DMGDH: variants seen among roughly 807,000 people sequenced by gnomAD.
DMGDH encodes dimethylglycine dehydrogenase, mitochondrial.
DMGDH carries 76 observed loss-of-function variants against 95.2 expected under a neutral mutation model. That is an observed-to-expected ratio of 0.80 (90% confidence interval 0.66 to 0.97). The LOEUF (loss-of-function observed/expected upper bound fraction) is 0.97, where lower values mean the gene tolerates loss of function less well. Ranked by LOEUF, DMGDH falls within the 50% of genes least tolerant of loss-of-function variation. The pLI, the probability that DMGDH is intolerant of heterozygous loss-of-function variation, is 0.00. For missense variants in DMGDH, 987 were observed against 1,055.0 expected (o/e 0.94, Z 0.89); for synonymous variants, 345 against 377.6 (o/e 0.91, Z 1.00).
intron 1 of DMGDH, among the ~76,000 whole-genome samples, chr5:79,066,417 C>A (rs1287408152): frequency 6.6e-6 from 1 of 151,888 alleles, no homozygotes; most frequent in African/African-American, 2.4e-5. Flanking sequence ...TCCCAAGTAG[C>A]TGGGACTGCA....
intron 5 of DMGDH, among the ~76,000 whole-genome samples, chr5:79,050,270 AAAAATATATATAT>A (rs1346652712): frequency 9.8e-5 from 3 of 30,510 alleles, no homozygotes; most frequent in African/African-American, 3.3e-4. Context: ...AAAAAAAAAA[AAAAATATATATAT>A]ATATATATAT....
At chr5:79,000,870 T>A in intron 15 of DMGDH, 1 of 648,702 alleles carries the variant, frequency 1.5e-6, no homozygotes, top group Non-Finnish European at 2.8e-6. Context: ...ATTCAATAAA[T>A]GGACAAGTTC....
chr5:79,021,278 A>G (rs1753860661), intron 14 of DMGDH: 2 of 1,065,668 alleles, frequency 1.9e-6, no homozygotes, highest in Non-Finnish European at 2.3e-6. Flanking sequence ...ACGTATCCCT[A>G]CAGCTTTAGT....
intron 7 of DMGDH, among the ~76,000 whole-genome samples, chr5:79,034,714 A>G (rs1754287886): frequency 6.6e-6 from 1 of 152,224 alleles, no homozygotes; most frequent in Non-Finnish European, 1.5e-5. Context: ...CTTTTCCCAC[A>G]ACAAGACACC....
rs543805307 is a variant in DMGDH at position 79,005,320 on chromosome 5, C to T, written c.2338G>A (p.Asp780Asn). Residue 780 changes from aspartate (D) to asparagine (N), a missense_variant, in exon 15 of 16, where the codon GAT becomes AAT. Asp to Asn is a conservative substitution (Grantham distance 23). Coordinates refer to ENST00000255189, the MANE Select transcript of DMGDH (RefSeq NM_013391.3). ...TCATTTCCCTCTGGATCAACATCATCCGTTGCCAAGGTGAGGCAGACCAGT... is the reference window on the plus strand; with the variant it reads ...TCATTTCCCTCTGGATCAACATCATTCGTTGCCAAGGTGAGGCAGACCAGT... ...RRLVCLTLAT[D>N]DVDPEGNESI... is the part of the protein sequence containing the mutation. 1.2e-6 allele frequency: 2 copies of T among 1,613,718 alleles called. No individual in the cohort carries two copies. Among genetic ancestry groups the T allele is most frequent in the East Asian group, 4.5e-5 (2 of 44,878 alleles).
Position 79,042,353 on chromosome 5 carries a change from A to G in DMGDH, c.1123T>C (p.Ser375Pro), listed in dbSNP as rs1451694899. Residue 375 changes from serine to proline, a missense_variant, in exon 7 of 16, where the codon TCT becomes CCT. By Grantham distance (74) the Ser-to-Pro change is moderately conservative. Coordinates refer to ENST00000255189, the MANE Select transcript of DMGDH (RefSeq NM_013391.3). ...CCCACCATAGGCAGAATGTCAGGAG[A>G]ATACGTGATAGGACCATTGACAACA... is the stretch of plus-strand genomic sequence containing the variant. ...INVVNGPITY[S>P]PDILPMVGPH... 2 of 1,614,208 alleles carry G rather than the reference A, an allele frequency of 1.2e-6. No homozygotes were observed. Among genetic ancestry groups the G allele is most frequent in the Non-Finnish European group, 1.7e-6 (2 of 1,180,026 alleles).
At chr5:79,012,452 C>A (rs912484010) in intron 14 of DMGDH, among the ~76,000 whole-genome samples, 3 of 152,182 alleles carry the variant, frequency 2.0e-5, no homozygotes, top group Non-Finnish European at 4.4e-5. Flanking sequence ...GTGGGTCTAC[C>A]ATTCTAGGGT....
intron 13 of DMGDH, 55 bp from the exon 14 acceptor site, chr5:79,024,385 C>T: frequency 1.4e-6 from 2 of 1,459,084 alleles, no homozygotes; most frequent in Non-Finnish European, 1.9e-6. Flanking sequence ...ATTTTGGTAA[C>T]ATCACTTTCA....
At chr5:79,001,469 T>C (rs1011289599) in intron 15 of DMGDH, among the ~76,000 whole-genome samples, 4 of 152,184 alleles carry the variant, frequency 2.6e-5, no homozygotes, top group Admixed American at 2.0e-4. Flanking sequence ...GGCTTAATCA[T>C]TGCTTTTTGA....
At chr5:79,051,713 T>C (rs1561226937) in intron 4 of DMGDH, among the ~76,000 whole-genome samples, 1 of 152,196 alleles carries the variant, frequency 6.6e-6, no homozygotes, top group Non-Finnish European at 1.5e-5. Context: ...CACCTTCTTA[T>C]TTTGGTTTCT....
At chr5:79,064,746 C>T (rs1162620716) in intron 1 of DMGDH, among the ~76,000 whole-genome samples, 3 of 151,796 alleles carry the variant, frequency 2.0e-5, no homozygotes, top group African/African-American at 7.2e-5. Context: ...ATTTTTTTAA[C>T]TTTTCAAACT....
At chr5:79,020,588 T>C in intron 14 of DMGDH, 11 of 884,880 alleles carry the variant, frequency 1.2e-5, no homozygotes, top group Non-Finnish European at 1.5e-5. Flanking sequence ...GTTTTGTTTT[T>C]GGTTATCGAA....
intron 6 of DMGDH, among the ~76,000 whole-genome samples, chr5:79,043,819 T>C (rs559677340): frequency 5.6e-4 from 85 of 152,364 alleles, no homozygotes; most frequent in South Asian, 1.2e-3. Context: ...TATCCACTTA[T>C]GTAGCATGGG....
chr5:79,029,646 G>A (rs998094350), intron 11 of DMGDH, among the ~76,000 whole-genome samples: 5 of 151,310 alleles, frequency 3.3e-5, no homozygotes, highest in Admixed American at 2.0e-4. Context: ...ATCTAAAAAA[G>A]GTTCTGGCAC....
At chr5:79,016,061 C>T (rs1469018811) in intron 14 of DMGDH, among the ~76,000 whole-genome samples, 2 of 151,794 alleles carry the variant, frequency 1.3e-5, no homozygotes, top group South Asian at 2.1e-4. Context: ...GGTGAAACCC[C>T]GTCTCTACTA....
intron 7 of DMGDH, among the ~76,000 whole-genome samples, chr5:79,037,958 T>C (rs1754390969): frequency 6.6e-6 from 1 of 152,232 alleles, no homozygotes; most frequent in Admixed American, 6.5e-5. Flanking sequence ...TTCATGTTCA[T>C]GGATCAGAAT....
At chr5:79,043,264 C>G (rs1272812343) in intron 6 of DMGDH, among the ~76,000 whole-genome samples, 1 of 152,178 alleles carries the variant, frequency 6.6e-6, no homozygotes, top group Admixed American at 6.5e-5. Context: ...AACAATCCAG[C>G]TCTCCCTCCA....
At chr5:79,039,894 T>A (rs935948836) in intron 7 of DMGDH, among the ~76,000 whole-genome samples, 1 of 152,136 alleles carries the variant, frequency 6.6e-6, no homozygotes, top group Non-Finnish European at 1.5e-5. Context: ...AACACAGTGA[T>A]GGGCTAGGAA....
intron 6 of DMGDH, among the ~76,000 whole-genome samples, chr5:79,043,249 C>G (rs904781420): frequency 2.0e-5 from 3 of 152,196 alleles, no homozygotes; most frequent in Admixed American, 6.5e-5. Flanking sequence ...TGCTCACAGA[C>G]AGCTAACAAT....
Sources: gnomAD v4.1 joint callset for allele counts (sites outside exome capture counted in the v4.1 genomes callset) on GRCh38, gnomAD v4.1.1 for gene constraint, MANE v1.5 for transcripts, NCBI Gene and HGNC (gene_info 2026-07-23, HGNC 2026-07-21) for gene names.